SLC45A4: variants seen among roughly 807,000 people sequenced by gnomAD.
SLC45A4 encodes the protein polyamine-transporter SLC45A4.
A neutral mutation model predicts 63.7 loss-of-function variants in SLC45A4; 32 were observed. The observed-to-expected ratio is 0.50, with a 90% CI of 0.38 to 0.67. The LOEUF (loss-of-function observed/expected upper bound fraction) is 0.67, where lower values mean the gene tolerates loss of function less well. SLC45A4 is among the 30% of genes least tolerant of loss of function. The probability of loss-of-function intolerance (pLI) is 0.00; values close to 1 mark genes in which losing one functional copy is unlikely to be tolerated. For missense variants in SLC45A4, 1,027 were observed against 1,157.7 expected (o/e 0.89, Z 1.64); for synonymous variants, 535 against 510.0 (o/e 1.05, Z -0.66).
intron 1 of SLC45A4, among the ~76,000 whole-genome samples, chr8:141,267,917 C>T (rs533273309): frequency 1.4e-4 from 21 of 152,310 alleles, no homozygotes; most frequent in Admixed American, 1.2e-3. Context: ...TTTCACAAAA[C>T]CAGACATACT....
At chr8:141,283,074 C>T (rs1360470817) in intron 1 of SLC45A4, among the ~76,000 whole-genome samples, 2 of 152,268 alleles carry the variant, frequency 1.3e-5, no homozygotes, top group Non-Finnish European at 2.9e-5. Flanking sequence ...TGATAAACCA[C>T]CCCTACTGCC....
chr8:141,218,571 G>A lies in SLC45A4; in HGVS notation c.1069C>T (p.Pro357Ser), dbSNP rs765067816. 6.2e-7 allele frequency: 1 copy of A among 1,613,536 alleles called. No individual in the cohort carries two copies. The highest frequency in any genetic ancestry group is 1.7e-5 in the Admixed American group (1 of 60,032). Residue 357 changes from proline to serine, a missense_variant, in exon 5 of 9, where the codon CCC becomes TCC. Transcript: ENST00000517878. Reference sequence around the variant, plus strand: ...TCCTTGAGGAAGGTGGCCAGGCGGGGCAGCTTGGTCTTGGCGAGCTCCTGG... The same window carrying A: ...TCCTTGAGGAAGGTGGCCAGGCGGGACAGCTTGGTCTTGGCGAGCTCCTGG... Reference protein sequence around the residue: ...TSQELAKTKLPRLATFLKEAA... With the variant: ...TSQELAKTKLSRLATFLKEAA...
chr8:141,214,939 C>A (rs186837270), intron 7 of SLC45A4, among the ~76,000 whole-genome samples: 1 of 152,310 alleles, frequency 6.6e-6, no homozygotes, highest in African/African-American at 2.4e-5. Flanking sequence ...GCCAACAGCA[C>A]GGGCACAACA....
intron 1 of SLC45A4, among the ~76,000 whole-genome samples, chr8:141,268,816 T>C (rs762171884): frequency 1.2e-4 from 18 of 152,158 alleles, no homozygotes; most frequent in Non-Finnish European, 2.2e-4. Flanking sequence ...CAAAGTGTCC[T>C]ATCGTGGAGG....
intron 1 of SLC45A4, among the ~76,000 whole-genome samples, chr8:141,298,666 G>C (rs754135226): frequency 2.6e-5 from 4 of 152,186 alleles, no homozygotes; most frequent in Non-Finnish European, 5.9e-5. Context: ...GTGCCAGCTG[G>C]GCACAGCTGC....
chr8:141,298,839 C>T (rs1414105300), intron 1 of SLC45A4, among the ~76,000 whole-genome samples: 1 of 151,970 alleles, frequency 6.6e-6, no homozygotes, highest in East Asian at 1.9e-4. Flanking sequence ...GCCTCAAAGT[C>T]GAATCCAAGG....
Position 141,211,690 on chromosome 8 carries a change from G to C in SLC45A4, c.2309C>G (p.Ala770Gly). Reference protein sequence around the residue: ...GPVETESVTPAGIDVCQISSH... With the variant: ...GPVETESVTPGGIDVCQISSH... The stretch of plus-strand genomic sequence containing the variant: ...CGAGATCTGACAGACGTCAATACCT[G>C]CAGGCGTCTACAGAGAGGAAATTTG... Residue 770 changes from alanine (A) to glycine (G), a missense_variant, in exon 9 of 9, where the codon GCA (alanine) becomes GGA (glycine). Physicochemically the swap from Ala to Gly is moderately conservative, Grantham distance 60. Transcript: ENST00000517878. 1 of 1,583,606 alleles carries C rather than the reference G, an allele frequency of 6.3e-7. No individual in the cohort carries two copies. The highest frequency in any genetic ancestry group is 8.6e-7 in the Non-Finnish European group (1 of 1,165,082).
chr8:141,282,076 A>C (rs575382935), intron 1 of SLC45A4, among the ~76,000 whole-genome samples: 1 of 152,294 alleles, frequency 6.6e-6, no homozygotes, highest in South Asian at 2.1e-4. Flanking sequence ...GCCCAGAGCA[A>C]ATCGAAGGAT....
At chr8:141,239,411 A>G (rs775058210) in intron 2 of SLC45A4, among the ~76,000 whole-genome samples, 1 of 152,236 alleles carries the variant, frequency 6.6e-6, no homozygotes, top group Non-Finnish European at 1.5e-5. Flanking sequence ...GTGCACTATT[A>G]AAATACTTGC....
chr8:141,217,288 T>A, intron 5 of SLC45A4, 99 bp from the exon 6 acceptor site: 1 of 1,259,812 alleles, frequency 7.9e-7, no homozygotes, highest in Non-Finnish European at 1.1e-6. Flanking sequence ...CTGCTCATTC[T>A]AAGAGCGGTG....
At chr8:141,291,468 C>CA (rs1589858391) in intron 1 of SLC45A4, among the ~76,000 whole-genome samples, 2 of 151,178 alleles carry the variant, frequency 1.3e-5, no homozygotes, top group East Asian at 1.9e-4. Flanking sequence ...CATACCAAAA[C>CA]AAAAAAGGGG....
chr8:141,219,153 G>C, intron 4 of SLC45A4, 124 bp from the exon 5 acceptor site: 9 of 1,115,910 alleles, frequency 8.1e-6, no homozygotes, highest in South Asian at 3.1e-5. Flanking sequence ...TCAGGGGCTG[G>C]AGAAGGAGAA....
intron 1 of SLC45A4, among the ~76,000 whole-genome samples, chr8:141,255,194 G>C (rs1447982857): frequency 6.6e-6 from 1 of 152,184 alleles, no homozygotes. Flanking sequence ...CTGGAATCAA[G>C]TGATCTCCCA....
chr8:141,221,809 G>T (rs770976804), intron 2 of SLC45A4, 44 bp from the exon 3 acceptor site: 1 of 1,590,124 alleles, frequency 6.3e-7, no homozygotes, highest in South Asian at 1.1e-5. Context: ...GCACTGGCCG[G>T]GCTCTGCCAC....
At chr8:141,295,873 GGTCAGAGGCTCCCT>G (rs1830530570) in intron 1 of SLC45A4, among the ~76,000 whole-genome samples, 1 of 152,246 alleles carries the variant, frequency 6.6e-6, no homozygotes, top group Non-Finnish European at 1.5e-5. Context: ...CATCTCGTAA[GGTCAGAGGCTCCCT>G]GGCTTTGGTG....
chr8:141,231,856 C>T (rs981449715), intron 2 of SLC45A4, among the ~76,000 whole-genome samples: 13 of 152,250 alleles, frequency 8.5e-5, no homozygotes, highest in African/African-American at 3.1e-4. Context: ...CGACGCCTCT[C>T]AACAGCGCCT....
chr8:141,274,252 G>T (rs994864865), intron 1 of SLC45A4, among the ~76,000 whole-genome samples: 4 of 151,466 alleles, frequency 2.6e-5, no homozygotes, highest in Non-Finnish European at 5.9e-5. Context: ...GTAAAGTTTG[G>T]GCCAGGTGTG....
At chr8:141,307,658 AG>A (rs1830940939) in intron 1 of SLC45A4, among the ~76,000 whole-genome samples, 1 of 152,036 alleles carries the variant, frequency 6.6e-6, no homozygotes, top group Non-Finnish European at 1.5e-5. Flanking sequence ...GATAGCAGGC[AG>A]GGGTTAGAAG....
At position 141,242,528 on chromosome 8, in the gene SLC45A4, G is replaced by A. The variant is rs778537653; in HGVS notation, c.241+11461C>T. Among the ~76,000 whole-genome samples, 8 of 152,246 alleles carry A rather than the reference G, an allele frequency of 5.3e-5. No individual in the cohort carries two copies. In the South Asian group the frequency reaches 8.3e-4, roughly 16 times the overall value. On this transcript the variant is annotated intron_variant, in intron 2 of 8. Coordinates refer to ENST00000517878, the MANE Select transcript of SLC45A4 (RefSeq NM_001286646.2). ...ACCATACTCCCCCATTATCAAGAAC[G>A]GGCGAGACAGTGCTGGGAAAAGAGC...
Sources: gnomAD v4.1 joint callset for allele counts (sites outside exome capture counted in the v4.1 genomes callset) on GRCh38, gnomAD v4.1.1 for gene constraint, MANE v1.5 for transcripts, NCBI Gene and HGNC (gene_info 2026-07-23, HGNC 2026-07-21) for gene names.